Variants in FAM153A observed in about 807,000 individuals in gnomAD.
FAM153A encodes the protein family with sequence similarity 153 member A.
A neutral mutation model predicts 48.1 loss-of-function variants in FAM153A; 12 were observed. The ratio of observed to expected loss-of-function variants is 0.25; its 90% confidence interval spans 0.16 to 0.40. The LOEUF (loss-of-function observed/expected upper bound fraction) is 0.40. Among genes scored for constraint, FAM153A ranks in the 10% least tolerant of loss-of-function variants. The probability of loss-of-function intolerance (pLI) is 1.00; values close to 1 mark genes in which losing one functional copy is unlikely to be tolerated. For synonymous variants in FAM153A, 36 were observed against 118.2 expected (o/e 0.30, Z 4.51); for missense variants, 111 against 345.8 (o/e 0.32, Z 5.38).
At position 177,772,732 on chromosome 5, in the gene FAM153A, A is replaced by C. The variant is rs2127720864; in HGVS notation, c.-57+7717T>G. On this transcript the variant is annotated intron_variant, in intron 1 of 8. Coordinates refer to the FAM153A transcript ENST00000393518. ...TGCTTAGGTAAACAAAGCAGCCGGG[A>C]AGCTCGAACTGGGTGGAGCCCACCA... Among the ~76,000 whole-genome samples, 2 of 8,222 alleles carry C rather than the reference A, an allele frequency of 2.4e-4. 1 individual carries two copies. The highest frequency in any genetic ancestry group is 5.6e-4 in the African/African-American group (2 of 3,550). 5.4% of individuals were successfully genotyped at this position (8,222 alleles called of 152,430 possible). A position where few individuals can be genotyped will look rare whatever the true frequency, so the allele number is the denominator to read the frequency against.
intron 1 of FAM153A, among the ~76,000 whole-genome samples, chr5:177,759,409 A>G (rs138690999): frequency 0.019 from 2,825 of 151,824 alleles, 145 homozygotes; most frequent in African/African-American, 0.062. Flanking sequence ...AGAGAGTGGC[A>G]ATTCCTCAGG....
At chr5:177,754,163 T>C (rs1335083520), upstream of FAM153A, among the ~76,000 whole-genome samples, 1 of 151,918 alleles carries the variant, frequency 6.6e-6, no homozygotes. Context: ...CCAATGGTCT[T>C]AGCCAACGGC....
downstream of FAM153A, among the ~76,000 whole-genome samples, chr5:177,708,887 G>A (rs1758094350): frequency 6.6e-6 from 1 of 151,478 alleles, no homozygotes; most frequent in Admixed American, 6.6e-5. Flanking sequence ...AAAGTCAAGA[G>A]ATCGAGACCA....
chr5:177,700,676 C>T, the FAM153A span, among the ~76,000 whole-genome samples: 1 of 151,772 alleles, frequency 6.6e-6, no homozygotes, highest in East Asian at 1.9e-4. Flanking sequence ...GTGGCAGGCG[C>T]CTGTAATCCC....
chr5:177,758,765 C>T (rs1582501697), intron 1 of FAM153A, among the ~76,000 whole-genome samples: 1 of 147,952 alleles, frequency 6.8e-6, no homozygotes, highest in African/African-American at 2.5e-5. Flanking sequence ...GGAAAACTGG[C>T]TAGCCATATG....
chr5:177,754,938 C>T (rs970549683), upstream of FAM153A, among the ~76,000 whole-genome samples: 1 of 151,922 alleles, frequency 6.6e-6, no homozygotes, highest in Non-Finnish European at 1.5e-5. Context: ...GCCTCTCCTC[C>T]TCCAAAGGAA....
intron 26 of FAM153A, among the ~76,000 whole-genome samples, chr5:177,713,396 G>A (rs1371609566): frequency 1.3e-5 from 2 of 150,958 alleles, no homozygotes; most frequent in Non-Finnish European, 2.9e-5. Context: ...GACTAGAGGT[G>A]CCTGCCACCA....
the FAM153A span, among the ~76,000 whole-genome samples, chr5:177,698,091 G>A: frequency 0.013 from 1,969 of 151,634 alleles, 98 homozygotes; most frequent in African/African-American, 0.046. Flanking sequence ...CCCAGGGCTG[G>A]GTATTAGCAT....
chr5:177,781,187 C>G (rs976819815), upstream of FAM153A, among the ~76,000 whole-genome samples: 4 of 120,390 alleles, frequency 3.3e-5, no homozygotes, highest in East Asian at 5.3e-4. Context: ...CAAGCTCCCC[C>G]TCCCGGGTTC....
chr5:177,701,249 T>C, the FAM153A span, among the ~76,000 whole-genome samples: 1 of 151,848 alleles, frequency 6.6e-6, no homozygotes, highest in East Asian at 1.9e-4. Context: ...ATGAGTCAAT[T>C]AAACCTCTTT....
At chr5:177,739,248 G>A (rs1765183178) in intron 9 of FAM153A, 111 bp from the exon 12 acceptor site, 2 of 1,095,076 alleles carry the variant, frequency 1.8e-6, no homozygotes, top group Non-Finnish European at 2.7e-6. Context: ...TTCTGGTGGA[G>A]GCAATGGCCA....
chr5:177,729,085 AC>A (rs1763284758), intron 17 of FAM153A, 32 bp from the exon 20 acceptor site: 1 of 585,638 alleles, frequency 1.7e-6, no homozygotes, highest in Non-Finnish European at 2.9e-6. Context: ...TGAGGGTCAG[AC>A]CATGCTGTCT....
chr5:177,781,449 AG>A (rs1249190477), upstream of FAM153A: 2 of 89,782 alleles, frequency 2.2e-5, 1 homozygote, highest in Non-Finnish European at 4.7e-5. Context: ...TCATTACAAT[AG>A]TAAAAGACAG....
At chr5:177,699,540 A>C in the FAM153A span, among the ~76,000 whole-genome samples, 1 of 152,136 alleles carries the variant, frequency 6.6e-6, no homozygotes, top group African/African-American at 2.4e-5. Flanking sequence ...GTTACTACTG[A>C]CCTTACAAAA....
chr5:177,705,129 C>T (rs1757763312), downstream of FAM153A, among the ~76,000 whole-genome samples: 1 of 150,064 alleles, frequency 6.7e-6, no homozygotes, highest in East Asian at 2.0e-4. Flanking sequence ...CATGGTGAAA[C>T]CCTGTCTCTA....
chr5:177,737,443 T>C (rs1211368099), intron 10 of FAM153A, among the ~76,000 whole-genome samples: 1 of 151,098 alleles, frequency 6.6e-6, no homozygotes, highest in Non-Finnish European at 1.5e-5. Context: ...TTGCCCTCCC[T>C]TCTTGATCCC....
At chr5:177,753,169 T>C in intron 1 of FAM153A, 1 of 1,611,386 alleles carries the variant, frequency 6.2e-7, no homozygotes, top group Non-Finnish European at 8.5e-7. Context: ...GAAATGAACA[T>C]ACATACCTTC....
chr5:177,739,045 C>T, intron 10 of FAM153A, 68 bp downstream of exon 12: 5 of 1,478,968 alleles, frequency 3.4e-6, no homozygotes, highest in Non-Finnish European at 4.7e-6. Context: ...AAAACGCAGG[C>T]AAGAACGTGT....
the FAM153A span, among the ~76,000 whole-genome samples, chr5:177,699,814 C>T: frequency 0.019 from 2,913 of 151,816 alleles, 48 homozygotes; most frequent in Middle Eastern, 0.12. Flanking sequence ...ATAAACTCTT[C>T]CATAAGCATA....
Sources: allele counts gnomAD v4.1 joint callset (sites outside exome capture counted in the v4.1 genomes callset), GRCh38; gene constraint gnomAD v4.1.1; transcripts MANE v1.5; gene names NCBI Gene and HGNC (gene_info 2026-07-23, HGNC 2026-07-21).